FREM1: variants seen among roughly 807,000 people sequenced by gnomAD.
FREM1 encodes the protein FRAS1-related extracellular matrix protein 1.
A neutral mutation model predicts 210.1 loss-of-function variants in FREM1; 220 were observed. That is an observed-to-expected ratio of 1.05 (90% CI 0.94 to 1.17). The LOEUF (loss-of-function observed/expected upper bound fraction) is 1.17. FREM1 is among the 50% of genes most tolerant of loss of function. The pLI is 0.00. For synonymous variants in FREM1, 1,189 were observed against 980.2 expected (o/e 1.21, Z -3.98); for missense variants, 3,454 against 2,675.5 (o/e 1.29, Z -6.42).
intron 19 of FREM1, among the ~76,000 whole-genome samples, chr9:14,803,499 T>C (rs1817747799): frequency 6.6e-6 from 1 of 151,880 alleles, no homozygotes; most frequent in Non-Finnish European, 1.5e-5. Flanking sequence ...GCTAGGACCA[T>C]AGGCATGTGT....
intron 23 of FREM1, 121 bp downstream of exon 23, chr9:14,788,798 G>T (rs1419417887): frequency 1.3e-6 from 1 of 787,328 alleles, no homozygotes; most frequent in Non-Finnish European, 2.0e-6. Context: ...GAATTTCAAA[G>T]ATGAAGAGTG....
chr9:14,789,265 T>A (rs1042334868), intron 22 of FREM1, among the ~76,000 whole-genome samples, 151 bp from the exon 23 acceptor site: 32 of 152,222 alleles, frequency 2.1e-4, no homozygotes, highest in African/African-American at 7.7e-4. Flanking sequence ...TACCTGATTT[T>A]TTTTTCTTTT....
At position 14,846,045 on chromosome 9, in the gene FREM1, C is replaced by G. The variant is rs532725684; in HGVS notation, c.1308G>C (p.Gln436His). Residue 436 changes from glutamine (Q) to histidine (H), a missense_variant, in exon 8 of 37, where the codon CAG becomes CAC. By Grantham distance (24) the Gln-to-His change is conservative. Coordinates refer to ENST00000380880, the MANE Select transcript of FREM1 (RefSeq NM_001379081.2). ...TGTCGTCATTGTCGACAACCTGAAA[C>G]TGTTCCCAAGTGATGGCTCGAGACT... The part of the protein sequence containing the change: ...EGQSRAITWE[Q>H]FQVVDNDDIG... The G allele has an allele frequency of 5.6e-6, 9 of 1,605,488 alleles. No individual in the cohort carries two copies. The highest frequency in any genetic ancestry group is 6.0e-6 in the Non-Finnish European group (7 of 1,175,472).
Position 14,775,876 on chromosome 9 carries a change from G to C in FREM1, c.4770C>G (p.Cys1590Trp). ...TCCCATCTGTGGCCATGAAAGTAAA[G>C]CAGTCAGTCTGGGAGTCCCCTCCTG... ...RHSGGDSQTD[C>W]FTFMATDGTN... The change falls in exon 25 of 37, where the codon TGC (cysteine) becomes TGG (tryptophan). Residue 1590 changes from cysteine (C) to tryptophan (W), a missense_variant. By Grantham distance (215) the Cys-to-Trp change is radical (BLOSUM62 -2). Transcript: ENST00000380880. 6.2e-7 allele frequency: 1 copy of C among 1,613,888 alleles called. No homozygotes were observed. The highest frequency in any genetic ancestry group is 1.7e-5 in the Admixed American group (1 of 60,032).
intron 1 of FREM1, among the ~76,000 whole-genome samples, chr9:14,894,781 T>C (rs1292404859): frequency 1.3e-5 from 2 of 152,238 alleles, no homozygotes; most frequent in African/African-American, 4.8e-5. Context: ...ATTTGGAAAC[T>C]AGTTGTGAGT....
chr9:14,875,150 A>G (rs995513260), intron 1 of FREM1, among the ~76,000 whole-genome samples: 13 of 152,130 alleles, frequency 8.5e-5, no homozygotes, highest in African/African-American at 3.1e-4. Context: ...CGTGTCTTGG[A>G]GTTGCTCTTC....
intron 19 of FREM1, among the ~76,000 whole-genome samples, chr9:14,803,446 C>A (rs564737954): frequency 2.0e-5 from 3 of 151,520 alleles, no homozygotes; most frequent in Non-Finnish European, 4.4e-5. Context: ...TGCACACTCA[C>A]CCACCCAGGC....
chr9:14,756,446 C>T lies in FREM1; in HGVS notation c.5335G>A (p.Val1779Ile). Reference protein sequence around the residue: ...SMDSAFVGIKVNQVSAAVGKD... With the variant: ...SMDSAFVGIKINQVSAAVGKD... ...CCAACTGCAGCTGACACTTGGTTGA[C>T]CTTAGGAGGGAAAAAAAAATCTTTT... The change falls in exon 29 of 37, where the codon GTC becomes ATC. Residue 1779 changes from valine (V) to isoleucine (I), a missense_variant and splice_region_variant. Transcript: ENST00000380880. The T allele has an allele frequency of 6.3e-7, 1 of 1,588,374 alleles. No homozygotes were observed. Among genetic ancestry groups the T allele is most frequent in the Non-Finnish European group, 8.6e-7 (1 of 1,166,662 alleles).
At chr9:14,856,693 C>T (rs1828804522) in intron 5 of FREM1, among the ~76,000 whole-genome samples, 1 of 151,848 alleles carries the variant, frequency 6.6e-6, no homozygotes, top group Non-Finnish European at 1.5e-5. Context: ...ATTGGCCGGG[C>T]GTGGTGGCAG....
intron 17 of FREM1, among the ~76,000 whole-genome samples, chr9:14,807,681 AC>A (rs1818636508): frequency 6.6e-6 from 1 of 151,044 alleles, no homozygotes; most frequent in Non-Finnish European, 1.5e-5. Context: ...AAAGACACAC[AC>A]ACACACACAC....
rs200232794 is a variant in FREM1 at position 14,829,114 on chromosome 9, A to AT, written c.1882-4123dup. Among the ~76,000 whole-genome samples, 845 of 152,036 alleles carry AT rather than the reference A, an allele frequency of 5.6e-3. 11 individuals are homozygous for AT. The highest frequency in any genetic ancestry group is 0.019 in the African/African-American group (793 of 41,460). ...CTGTATCTCCACAACATCTAGCACAATTTTTTTTGTAGGTAGGAGGCACTT... is the reference window on the plus strand; with the variant it reads ...CTGTATCTCCACAACATCTAGCACAATTTTTTTTTGTAGGTAGGAGGCACTT... On this transcript the variant is annotated intron_variant, in intron 10 of 36. Coordinates refer to ENST00000380880, the MANE Select transcript of FREM1 (RefSeq NM_001379081.2).
chr9:14,792,603 T>C, intron 22 of FREM1, 140 bp downstream of exon 22: 1 of 582,782 alleles, frequency 1.7e-6, no homozygotes, highest in African/African-American at 1.9e-5. Context: ...GAATTCACCC[T>C]GAACTAGTAA....
rs752957818 is a variant in FREM1, at chr9:14,846,013, G to A, written c.1340C>T (p.Ala447Val). 2 of 1,612,756 alleles carry A rather than the reference G, an allele frequency of 1.2e-6. No individual in the cohort carries two copies. Among genetic ancestry groups the A allele is most frequent in the South Asian group, 2.2e-5 (2 of 90,722 alleles). Residue 447 changes from alanine (A) to valine (V), a missense_variant, in exon 8 of 37, where the codon GCT becomes GTT. Ala to Val is a moderately conservative substitution (Grantham distance 64). Coordinates refer to ENST00000380880, the MANE Select transcript of FREM1 (RefSeq NM_001379081.2). ...FQVVDNDDIGAVRLVTVGGLQ... is the reference protein window; with the variant it reads ...FQVVDNDDIGVVRLVTVGGLQ... The stretch of plus-strand genomic sequence containing the variant: ...GCCACCAACGGTGACTAGCCGGACA[G>A]CACCAATGTCGTCATTGTCGACAAC...
intron 21 of FREM1, among the ~76,000 whole-genome samples, chr9:14,794,310 G>A (rs1034589081): frequency 2.6e-5 from 4 of 152,186 alleles, no homozygotes; most frequent in African/African-American, 9.7e-5. Context: ...GTATCTTGAG[G>A]AACCACATAG....
Position 14,812,363 on chromosome 9 carries a change from C to T in FREM1, c.2893+449G>A, listed in dbSNP as rs372538020. On this transcript the variant is annotated intron_variant, in intron 16 of 36. Coordinates refer to ENST00000380880, the MANE Select transcript of FREM1 (RefSeq NM_001379081.2). ...AGTCATATACTGGGTAAGACATTAT[C>T]GTTACTTTTCAGGAACTCAAAAAGC... 2.6e-4 allele frequency among the ~76,000 whole-genome samples: 39 copies of T among 152,266 alleles called. No homozygotes were observed. The East Asian group carries it at 5.6e-3, about 22-fold the overall frequency.
chr9:14,770,572 A>G lies in FREM1; in HGVS notation c.5059+33T>C, dbSNP rs201838688. ...CCCTGCCAGCCACTGGGTATTTTAAAATGGCAATTGTAAGGATTAAGGAGG... is the reference window on the plus strand; with the variant it reads ...CCCTGCCAGCCACTGGGTATTTTAAGATGGCAATTGTAAGGATTAAGGAGG... On this transcript the variant is annotated intron_variant, in intron 26 of 36. Coordinates refer to ENST00000380880, the MANE Select transcript of FREM1 (RefSeq NM_001379081.2). 1.1e-4 allele frequency: 175 copies of G among 1,542,006 alleles called. 1 individual carries two copies. The East Asian group carries it at 2.3e-3, about 20-fold the overall frequency.
At chr9:14,843,354 T>C (rs890382937) in intron 8 of FREM1, among the ~76,000 whole-genome samples, 2 of 152,186 alleles carry the variant, frequency 1.3e-5, no homozygotes, top group African/African-American at 4.8e-5. Flanking sequence ...GGTTACACCA[T>C]CAGCTTCCCT....
intron 27 of FREM1, 127 bp downstream of exon 27, chr9:14,769,597 A>G: frequency 1.0e-6 from 1 of 973,296 alleles, no homozygotes; most frequent in South Asian, 1.8e-5. Context: ...AAATTCCATG[A>G]GCTTGTGAAA....
In FREM1 at chr9:14,841,482, C is replaced by T; in HGVS notation, c.1846G>A (p.Asp616Asn). The change falls in exon 10 of 37, where the codon GAC becomes AAC. Residue 616 changes from aspartate to asparagine, a missense_variant. By Grantham distance (23) the Asp-to-Asn change is conservative. Transcript: ENST00000380880. Reference protein sequence around the residue: ...FEDSFQFVLWDSHEPPNLSVP... With the variant: ...FEDSFQFVLWNSHEPPNLSVP... ...GAAAGATTTGGAGGTTCATGGCTGT[C>T]CCACAGGACAAATTGAAAAGAATCT... 6.2e-7 allele frequency: 1 copy of T among 1,611,190 alleles called. No homozygotes were observed. The highest frequency in any genetic ancestry group is 8.5e-7 in the Non-Finnish European group (1 of 1,178,052).
Sources: gnomAD v4.1 joint callset for allele counts (sites outside exome capture counted in the v4.1 genomes callset) on GRCh38, gnomAD v4.1.1 for gene constraint, MANE v1.5 for transcripts, NCBI Gene and HGNC (gene_info 2026-07-23, HGNC 2026-07-21) for gene names.